LRRFIP1: variants seen among roughly 807,000 people sequenced by gnomAD.
LRRFIP1 encodes LRR binding FLII interacting protein 1, also known as leucine-rich repeat flightless-interacting protein 1.
In LRRFIP1, 62 loss-of-function variants were observed where a neutral mutation model predicts 104.4. The observed-to-expected ratio is 0.59, with a 90% CI of 0.48 to 0.73. The LOEUF (loss-of-function observed/expected upper bound fraction) is 0.73. Among genes scored for constraint, LRRFIP1 ranks in the 30% least tolerant of loss-of-function variants. The pLI, the probability that LRRFIP1 is intolerant of heterozygous loss-of-function variation, is 0.00. For synonymous variants in LRRFIP1, 300 were observed against 299.0 expected (o/e 1.00, Z -0.03); for missense variants, 796 against 824.5 (o/e 0.97, Z 0.42).
intron 7 of LRRFIP1, among the ~76,000 whole-genome samples, chr2:237,726,530 C>T (rs555716073): frequency 6.6e-6 from 1 of 152,344 alleles, no homozygotes; most frequent in South Asian, 2.1e-4. Context: ...TTGAGATACT[C>T]ATTTTCATCT....
At chr2:237,765,095 C>T (rs1391364279) in intron 19 of LRRFIP1, 1 of 467,468 alleles carries the variant, frequency 2.1e-6, no homozygotes, top group African/African-American at 2.2e-5. Context: ...AACCCTGTCT[C>T]TACTAAAAAT....
intron 19 of LRRFIP1, among the ~76,000 whole-genome samples, chr2:237,762,006 A>G (rs3769055): frequency 1.3e-5 from 2 of 152,150 alleles, no homozygotes; most frequent in Middle Eastern, 3.2e-3. Flanking sequence ...GCATGGACAC[A>G]GGGTGTTTTC....
At chr2:237,720,199 G>A (rs938935307) in intron 5 of LRRFIP1, among the ~76,000 whole-genome samples, 7 of 151,860 alleles carry the variant, frequency 4.6e-5, no homozygotes, top group African/African-American at 1.2e-4. Context: ...TGCCCACCTC[G>A]GCCTCCCAAA....
chr2:237,749,042 G>C (rs756335000), intron 12 of LRRFIP1, among the ~76,000 whole-genome samples, 157 bp from the exon 13 acceptor site: 9 of 152,170 alleles, frequency 5.9e-5, no homozygotes, highest in Non-Finnish European at 1.3e-4. Context: ...TCACTATCAC[G>C]AGAACAGCAT....
intron 6 of LRRFIP1, 138 bp from the exon 7 acceptor site, chr2:237,723,410 T>A: frequency 1.3e-6 from 1 of 794,858 alleles, no homozygotes; most frequent in South Asian, 1.6e-5. Context: ...ACATATTAGA[T>A]CCTAGAAATT....
intron 1 of LRRFIP1, among the ~76,000 whole-genome samples, chr2:237,678,682 T>G (rs931246888): frequency 3.3e-5 from 5 of 151,686 alleles, no homozygotes; most frequent in African/African-American, 1.2e-4. Flanking sequence ...ATTTTTGGAT[T>G]TTTTTAGTAG....
At position 237,735,438 on chromosome 2, in the gene LRRFIP1, G is replaced by A; in HGVS notation, c.555+105G>A. On this transcript the variant is annotated intron_variant, in intron 10 of 23. Transcript: ENST00000308482. This position sits in a 1 kb window ranked among gnomAD's most constrained non-coding sequence, Gnocchi z 4.6. ...GTGGGGGGTGACTGGCCATTCTCAG[G>A]AGGAAGCGCCGAGTCACCGGGCTAA... The A allele has an allele frequency of 9.4e-7, 1 of 1,069,342 alleles. No homozygotes were observed. 66.2% of individuals were successfully genotyped at this position (1,069,342 alleles called of 1,614,324 possible). A position where few individuals can be genotyped will look rare whatever the true frequency, so the allele number is the denominator to read the frequency against.
At chr2:237,698,259 G>A (rs1024209277) in intron 1 of LRRFIP1, among the ~76,000 whole-genome samples, 6 of 152,224 alleles carry the variant, frequency 3.9e-5, no homozygotes, top group African/African-American at 1.4e-4. Context: ...ATTTCAGAGG[G>A]GAAGGAAGCT....
intron 19 of LRRFIP1, chr2:237,764,803 C>G: frequency 1.0e-6 from 1 of 985,814 alleles, no homozygotes; most frequent in Non-Finnish European, 1.2e-6. Flanking sequence ...ACTTTTGGAT[C>G]TCATTGTTGA....
At chr2:237,627,866 G>A in intron 1 of LRRFIP1, 126 bp downstream of exon 1, 1 of 581,962 alleles carries the variant, frequency 1.7e-6, no homozygotes, top group Non-Finnish European at 2.4e-6. Context: ...GGCTCCAGGC[G>A]GGTGGGCCGG....
intron 9 of LRRFIP1, among the ~76,000 whole-genome samples, chr2:237,734,306 A>C (rs1444200231): frequency 3.0e-5 from 4 of 132,318 alleles, no homozygotes; most frequent in African/African-American, 1.2e-4. Context: ...TTGGAGACAG[A>C]ATCTCCCTCT....
chr2:237,778,604 T>G (rs2061289184), intron 23 of LRRFIP1, among the ~76,000 whole-genome samples: 1 of 152,222 alleles, frequency 6.6e-6, no homozygotes, highest in Non-Finnish European at 1.5e-5. Flanking sequence ...ACCTCATGCC[T>G]CACTTACCTT....
intron 1 of LRRFIP1, among the ~76,000 whole-genome samples, chr2:237,683,674 C>A (rs1350461370): frequency 6.6e-6 from 1 of 152,136 alleles, no homozygotes; most frequent in Non-Finnish European, 1.5e-5. Context: ...AGTGTTATGC[C>A]GAAGTGTGTT....
chr2:237,695,234 A>G (rs2093093743), intron 1 of LRRFIP1, among the ~76,000 whole-genome samples: 1 of 152,284 alleles, frequency 6.6e-6, no homozygotes, highest in Non-Finnish European at 1.5e-5. Context: ...CTTTTTCTTT[A>G]AGAGTCAGTT....
chr2:237,686,127 T>C (rs1166036947), intron 1 of LRRFIP1, among the ~76,000 whole-genome samples: 1 of 152,254 alleles, frequency 6.6e-6, no homozygotes, highest in African/African-American at 2.4e-5. Context: ...GTTCTGTGCA[T>C]GCTGCCTGAT....
chr2:237,684,623 A>G (rs1015519554), intron 1 of LRRFIP1: 3 of 152,256 alleles, frequency 2.0e-5, no homozygotes, highest in African/African-American at 7.2e-5. Flanking sequence ...GAACATTTTA[A>G]ATGAACTATT....
chr2:237,676,991 A>G (rs1476927589), intron 1 of LRRFIP1, among the ~76,000 whole-genome samples: 2 of 152,250 alleles, frequency 1.3e-5, no homozygotes, highest in African/African-American at 4.8e-5. Context: ...TTACATAAAC[A>G]AAAGGGTAAA....
intron 2 of LRRFIP1, among the ~76,000 whole-genome samples, chr2:237,713,088 C>T (rs1347204101): frequency 2.0e-5 from 3 of 151,990 alleles, no homozygotes. Flanking sequence ...CTGAGAACAC[C>T]GAGAAGGGCA....
intron 11 of LRRFIP1, among the ~76,000 whole-genome samples, chr2:237,743,032 C>CAA (rs3215065): frequency 7.5e-4 from 111 of 148,484 alleles, no homozygotes; most frequent in African/African-American, 2.4e-3. Context: ...CCCAAAAAAA[C>CAA]AAAAAAAAAA....
Sources: allele counts gnomAD v4.1 joint callset (sites outside exome capture counted in the v4.1 genomes callset), GRCh38; gene constraint gnomAD v4.1.1; non-coding constraint Gnocchi (gnomAD v3.1); transcripts MANE v1.5; gene names NCBI Gene and HGNC (gene_info 2026-07-23, HGNC 2026-07-21).